PTPRT: variants seen among roughly 807,000 people sequenced by gnomAD.
PTPRT encodes the protein receptor-type tyrosine-protein phosphatase T.
In PTPRT, 56 loss-of-function variants were observed where a neutral mutation model predicts 176.8. That is an observed-to-expected ratio of 0.32 (90% CI 0.26 to 0.40). The LOEUF (loss-of-function observed/expected upper bound fraction) is 0.40, where lower values mean the gene tolerates loss of function less well. Ranked by LOEUF, PTPRT falls within the 10% of genes least tolerant of loss-of-function variation. The probability of loss-of-function intolerance (pLI) is 1.00; values close to 1 mark genes in which losing one functional copy is unlikely to be tolerated. For missense variants in PTPRT, 1,540 were observed against 1,908.2 expected, an observed-to-expected ratio of 0.81 and a Z score of 3.60; for synonymous variants, 783 against 739.0, an observed-to-expected ratio of 1.06 and a Z score of -0.96.
intron 1 of PTPRT, among the ~76,000 whole-genome samples, chr20:42,925,080 T>A (rs1053529250): frequency 1.2e-4 from 18 of 152,178 alleles, no homozygotes; most frequent in African/African-American, 4.3e-4. Flanking sequence ...ATGATGAGAA[T>A]CAACTCCCAG....
chr20:42,651,515 G>A (rs1012375305), intron 7 of PTPRT, among the ~76,000 whole-genome samples: 20 of 152,180 alleles, frequency 1.3e-4, no homozygotes, highest in African/African-American at 4.8e-4. Context: ...AGTCATTAAG[G>A]GACAGAGGCA....
Position 42,081,960 on chromosome 20 carries a change from G to T in PTPRT, c.4194C>A (p.Ile1398=). The part of the protein sequence containing the change: ...FCAICSVCEM[I]QQQNIIDVFH... ...ACACGTCAATGATGTTTTGCTGCTGGATCATCTCACACACACTGCAGATGG... is the reference window on the plus strand; with the variant it reads ...ACACGTCAATGATGTTTTGCTGCTGTATCATCTCACACACACTGCAGATGG... The change falls in exon 30 of 31, where the codon ATC becomes ATA. Residue 1398 remains isoleucine, a synonymous_variant. Coordinates refer to ENST00000373187, the MANE Select transcript of PTPRT (RefSeq NM_007050.6). 6.2e-7 allele frequency: 1 copy of T among 1,614,212 alleles called. No homozygotes were observed. Among genetic ancestry groups the T allele is most frequent in the Non-Finnish European group, 8.5e-7 (1 of 1,180,040 alleles).
At chr20:42,551,502 A>G (rs762701241) in intron 7 of PTPRT, among the ~76,000 whole-genome samples, 5 of 152,138 alleles carry the variant, frequency 3.3e-5, no homozygotes, top group African/African-American at 4.8e-5. Flanking sequence ...GGCTAAACAG[A>G]GATTTTTTTT....
chr20:43,032,724 C>T (rs1246932651), intron 1 of PTPRT, among the ~76,000 whole-genome samples: 1 of 152,058 alleles, frequency 6.6e-6, no homozygotes, highest in Non-Finnish European at 1.5e-5. Flanking sequence ...ACTGCATATC[C>T]TCCCCTTCCC....
chr20:42,496,493 C>G (rs1298519702), intron 7 of PTPRT, among the ~76,000 whole-genome samples: 1 of 152,122 alleles, frequency 6.6e-6, no homozygotes, highest in Non-Finnish European at 1.5e-5. Context: ...ACCGCTCCTT[C>G]TATGTCTTTC....
At chr20:42,556,086 C>T (rs1330288483) in intron 7 of PTPRT, among the ~76,000 whole-genome samples, 1 of 152,166 alleles carries the variant, frequency 6.6e-6, no homozygotes, top group South Asian at 2.1e-4. Flanking sequence ...TATTAAGCGA[C>T]AAAGACTCTA....
At chr20:42,357,458 G>A (rs532263027) in intron 9 of PTPRT, among the ~76,000 whole-genome samples, 1 of 152,236 alleles carries the variant, frequency 6.6e-6, no homozygotes, top group African/African-American at 2.4e-5. Flanking sequence ...GTAGCTTGAG[G>A]GATTGCTTAA....
At chr20:42,437,695 A>G (rs1054080817) in intron 9 of PTPRT, among the ~76,000 whole-genome samples, 1 of 152,178 alleles carries the variant, frequency 6.6e-6, no homozygotes, top group Non-Finnish European at 1.5e-5. Context: ...AAAAATGCCC[A>G]TTGACTTAAG....
chr20:42,705,767 T>C (rs894731236), intron 6 of PTPRT, among the ~76,000 whole-genome samples: 1 of 152,296 alleles, frequency 6.6e-6, no homozygotes, highest in East Asian at 1.9e-4. Context: ...TTCTGTTATG[T>C]CTACTCTTCC....
the PTPRT span, among the ~76,000 whole-genome samples, chr20:42,067,327 G>A: frequency 2.6e-5 from 4 of 152,084 alleles, no homozygotes; most frequent in African/African-American, 4.8e-5. Context: ...TGGAACGCAC[G>A]CCCCCATCTG....
At chr20:42,880,929 T>G (rs1233077846) in intron 2 of PTPRT, among the ~76,000 whole-genome samples, 1 of 151,944 alleles carries the variant, frequency 6.6e-6, no homozygotes, top group Non-Finnish European at 1.5e-5. Flanking sequence ...TTCACAGAGG[T>G]GGGGTGGAGG....
intron 9 of PTPRT, among the ~76,000 whole-genome samples, chr20:42,382,549 C>A (rs1187905595): frequency 6.6e-6 from 1 of 152,166 alleles, no homozygotes; most frequent in Middle Eastern, 3.2e-3. Context: ...TAAACACAGA[C>A]TGCCTGGGCC....
At chr20:42,122,244 C>CA (rs1987629378) in intron 19 of PTPRT, among the ~76,000 whole-genome samples, 1 of 152,172 alleles carries the variant, frequency 6.6e-6, no homozygotes, top group Non-Finnish European at 1.5e-5. Flanking sequence ...TGATATATAA[C>CA]AGTTACTATG....
chr20:42,039,542 C>T, the PTPRT span, among the ~76,000 whole-genome samples: 1 of 151,860 alleles, frequency 6.6e-6, no homozygotes, highest in African/African-American at 2.4e-5. Context: ...TCTATGAGCT[C>T]AACTATTTTA....
chr20:42,361,120 G>A (rs2058426025), intron 9 of PTPRT, among the ~76,000 whole-genome samples: 1 of 152,144 alleles, frequency 6.6e-6, no homozygotes, highest in South Asian at 2.1e-4. Flanking sequence ...TGATTGAGGG[G>A]AGGCTGCAAC....
At chr20:42,546,077 T>C (rs570815535) in intron 7 of PTPRT, among the ~76,000 whole-genome samples, 7 of 152,340 alleles carry the variant, frequency 4.6e-5, no homozygotes, top group African/African-American at 1.7e-4. Flanking sequence ...GTGCTCATTA[T>C]AGTAGCACTT....
intron 16 of PTPRT, among the ~76,000 whole-genome samples, chr20:42,193,297 G>T (rs1386614050): frequency 6.6e-6 from 1 of 152,238 alleles, no homozygotes; most frequent in Non-Finnish European, 1.5e-5. Flanking sequence ...AATCTGCTAG[G>T]CTCCATGCCA....
At chr20:42,624,428 G>C (rs1031193878) in intron 7 of PTPRT, among the ~76,000 whole-genome samples, 9 of 152,322 alleles carry the variant, frequency 5.9e-5, no homozygotes, top group Admixed American at 5.9e-4. Flanking sequence ...AACAGCATGA[G>C]TTATTAACAT....
intron 7 of PTPRT, among the ~76,000 whole-genome samples, chr20:42,479,868 T>A (rs184370336): frequency 6.6e-6 from 1 of 152,334 alleles, no homozygotes; most frequent in Non-Finnish European, 1.5e-5. Context: ...GCCTGTATTA[T>A]CATAGATATC....
Sources: gnomAD v4.1 joint callset for allele counts (sites outside exome capture counted in the v4.1 genomes callset) on GRCh38, gnomAD v4.1.1 for gene constraint, MANE v1.5 for transcripts, NCBI Gene and HGNC (gene_info 2026-07-23, HGNC 2026-07-21) for gene names.